Variants in NMT2 observed in about 807,000 individuals in gnomAD.
NMT2 encodes the protein glycylpeptide N-tetradecanoyltransferase 2.
Under a neutral mutation model 65.4 loss-of-function variants are expected in NMT2, and 35 were observed. That is an observed-to-expected ratio of 0.54 (90% confidence interval 0.41 to 0.71). The LOEUF (loss-of-function observed/expected upper bound fraction) is 0.71. Among genes scored for constraint, NMT2 ranks in the 30% least tolerant of loss-of-function variants. The pLI is 0.00. For missense variants in NMT2, 489 were observed against 611.3 expected (o/e 0.80, Z 2.11); for synonymous variants, 226 against 231.8 (o/e 0.98, Z 0.23).
At chr10:15,160,444 A>G (rs1385597396) in intron 1 of NMT2, among the ~76,000 whole-genome samples, 2 of 152,026 alleles carry the variant, frequency 1.3e-5, no homozygotes, top group Non-Finnish European at 2.9e-5. Flanking sequence ...AGAAACCCCC[A>G]TGAACATGTA....
chr10:15,147,349 ATCT>A (rs1847002500), intron 1 of NMT2, among the ~76,000 whole-genome samples: 1 of 152,108 alleles, frequency 6.6e-6, no homozygotes, highest in East Asian at 1.9e-4. Context: ...GCTGATTGTA[ATCT>A]TCTCATTCGT....
intron 3 of NMT2, among the ~76,000 whole-genome samples, chr10:15,134,522 G>A (rs561773313): frequency 3.3e-5 from 5 of 152,256 alleles, no homozygotes; most frequent in Admixed American, 6.5e-5. Flanking sequence ...CAGTGTGGCC[G>A]CTCCTCCCCA....
intron 1 of NMT2, among the ~76,000 whole-genome samples, 196 bp from the exon 2 acceptor site, chr10:15,141,753 C>T (rs921635568): frequency 6.6e-6 from 1 of 152,270 alleles, no homozygotes; most frequent in African/African-American, 2.4e-5. Context: ...TACCAGCCCC[C>T]GCTCAGTCAT....
rs578149391 is a variant in NMT2 at position 15,136,679 on chromosome 10, G to A, written c.247-1261C>T. On this transcript the variant is annotated intron_variant, in intron 2 of 11. Transcript: ENST00000378165. ...ACCAGAAGGACAAGCAATTTCCTCT[G>A]TACTTCAGATCCTGGGCAACCATAG... Among the ~76,000 whole-genome samples the A allele has an allele frequency of 2.0e-5, 3 of 152,226 alleles. No homozygotes were observed. The East Asian group carries it at 5.8e-4, about 29-fold the overall frequency.
intron 2 of NMT2, among the ~76,000 whole-genome samples, chr10:15,136,430 G>A (rs1038782315): frequency 7.1e-6 from 1 of 140,392 alleles, no homozygotes; most frequent in African/African-American, 2.6e-5. Flanking sequence ...GGAGGAAGGA[G>A]GAAGGAGAGG....
intron 1 of NMT2, chr10:15,154,860 T>C (rs760978966): frequency 3.8e-6 from 3 of 787,292 alleles, no homozygotes; most frequent in East Asian, 5.3e-5. Context: ...CTTGGACCCA[T>C]AGCGCTTCAT....
intron 10 of NMT2, 75 bp downstream of exon 10, chr10:15,112,721 A>C: frequency 7.3e-7 from 1 of 1,374,894 alleles, no homozygotes; most frequent in Non-Finnish European, 9.7e-7. Context: ...GGAAGAAAAC[A>C]CAGTAAGATG....
At chr10:15,135,779 T>TG (rs1206178419) in intron 2 of NMT2, among the ~76,000 whole-genome samples, 3 of 149,796 alleles carry the variant, frequency 2.0e-5, no homozygotes, top group East Asian at 2.0e-4. Context: ...GAGCCTTGGG[T>TG]GGGGGGCACT....
chr10:15,127,819 C>T (rs977513683), intron 8 of NMT2, among the ~76,000 whole-genome samples: 18 of 150,636 alleles, frequency 1.2e-4, no homozygotes, highest in Admixed American at 6.6e-5. Flanking sequence ...GGGAGAATCG[C>T]TTGAACCCGG....
At chr10:15,109,271 A>C in intron 11 of NMT2, 56 bp from the exon 12 acceptor site, 1 of 1,584,470 alleles carries the variant, frequency 6.3e-7, no homozygotes, top group Non-Finnish European at 8.6e-7. Flanking sequence ...ATGTAGTACA[A>C]TAGATCTGTC....
intron 3 of NMT2, 49 bp from the exon 4 acceptor site, chr10:15,133,412 T>C (rs1277306783): frequency 1.1e-5 from 15 of 1,408,806 alleles, no homozygotes; most frequent in Non-Finnish European, 1.5e-5. Context: ...GCGAGAATAT[T>C]AAATGACAAA....
At chr10:15,130,765 ATTCTATTTTC>A (rs1846256552) in intron 6 of NMT2, among the ~76,000 whole-genome samples, 1 of 137,484 alleles carries the variant, frequency 7.3e-6, no homozygotes, top group Non-Finnish European at 1.6e-5. Context: ...CATAAAGGCC[ATTCTATTTTC>A]TTCTTTCTTT....
At position 15,108,686 on chromosome 10, in the gene NMT2, A is replaced by G. The variant is rs947103671; in HGVS notation, c.*509T>C. ...CAACCACCACCTGTCACTGAGCTAC[A>G]GAAGTGTTGATTCCATAAATGTTCC... is the stretch of plus-strand genomic sequence containing the variant. On this transcript the variant is annotated 3_prime_UTR_variant, in exon 12 of 12. Transcript: ENST00000378165. 8 of 993,292 alleles carry G rather than the reference A, an allele frequency of 8.1e-6. No homozygotes were observed. The Admixed American group carries it at 2.5e-4, about 30-fold the overall frequency. 61.5% of individuals were successfully genotyped at this position (993,292 alleles called of 1,614,324 possible).
chr10:15,158,135 G>A (rs1387243231), intron 1 of NMT2, among the ~76,000 whole-genome samples: 2 of 151,980 alleles, frequency 1.3e-5, no homozygotes, highest in Non-Finnish European at 2.9e-5. Flanking sequence ...GGCCAACATG[G>A]CAAAAATCCA....
intron 1 of NMT2, among the ~76,000 whole-genome samples, chr10:15,166,937 A>T (rs1273341670): frequency 6.6e-6 from 1 of 152,220 alleles, no homozygotes. Flanking sequence ...TAGAATATCA[A>T]TCAAAGGAGG....
At position 15,108,721 on chromosome 10, in the gene NMT2, C is replaced by CATAA; in HGVS notation, c.*473_*474insTTAT. The CATAA allele has an allele frequency of 9.9e-7, 1 of 1,010,062 alleles. No individual in the cohort carries two copies. The highest frequency in any genetic ancestry group is 4.1e-5 in the South Asian group (1 of 24,224). 62.6% of individuals were successfully genotyped at this position (1,010,062 alleles called of 1,614,324 possible). On this transcript the variant is annotated 3_prime_UTR_variant, in exon 12 of 12. Coordinates refer to ENST00000378165, the MANE Select transcript of NMT2 (RefSeq NM_004808.3). Reference sequence around the variant, plus strand: ...ATTCCATAAATGTTCCCAGTGATACCATGTAAGGTGATACCAGTAAAAAAA... The same window carrying CATAA: ...ATTCCATAAATGTTCCCAGTGATACCATAAATGTAAGGTGATACCAGTAAAAAAA...
intron 1 of NMT2, among the ~76,000 whole-genome samples, chr10:15,159,098 T>C (rs1833101018): frequency 6.6e-6 from 1 of 152,226 alleles, no homozygotes; most frequent in Non-Finnish European, 1.5e-5. Context: ...GTGGCCATGT[T>C]GTACCACACA....
intron 8 of NMT2, among the ~76,000 whole-genome samples, chr10:15,120,680 A>G (rs1845899260): frequency 3.3e-5 from 5 of 152,202 alleles, no homozygotes; most frequent in Admixed American, 2.0e-4. Context: ...TAGCCCATTA[A>G]AAGCGTGTGG....
At chr10:15,144,647 C>T (rs888187652) in intron 1 of NMT2, among the ~76,000 whole-genome samples, 2 of 152,038 alleles carry the variant, frequency 1.3e-5, no homozygotes, top group Admixed American at 6.6e-5. Flanking sequence ...AGGAGAATGG[C>T]GTGAACCCGG....
Sources: allele counts gnomAD v4.1 joint callset (sites outside exome capture counted in the v4.1 genomes callset), GRCh38; gene constraint gnomAD v4.1.1; transcripts MANE v1.5; gene names NCBI Gene and HGNC (gene_info 2026-07-23, HGNC 2026-07-21).